The following ARL15 variants were observed in gnomAD, a reference collection of about 807,000 sequenced individuals.
ARL15 encodes the protein ADP-ribosylation factor-like protein 15.
A neutral mutation model predicts 25.2 loss-of-function variants in ARL15; 19 were observed. That is an observed-to-expected ratio of 0.75 (90% CI 0.53 to 1.10). The LOEUF is 1.10. Ranked by LOEUF, ARL15 falls within the 50% of genes least tolerant of loss-of-function variation. ARL15 has a pLI of 0.00. For missense variants in ARL15, 220 were observed against 246.0 expected (o/e 0.89, Z 0.71); for synonymous variants, 94 against 86.8 (o/e 1.08, Z -0.46).
At chr5:53,957,950 C>T (rs1465712849) in intron 4 of ARL15, among the ~76,000 whole-genome samples, 1 of 152,128 alleles carries the variant, frequency 6.6e-6, no homozygotes, top group Non-Finnish European at 1.5e-5. Flanking sequence ...TGGCTCACAC[C>T]TGTAATCCCA....
chr5:54,224,465 GATTA>G (rs1323496902), intron 1 of ARL15, among the ~76,000 whole-genome samples: 1 of 152,172 alleles, frequency 6.6e-6, no homozygotes, highest in African/African-American at 2.4e-5. Flanking sequence ...TCAGTTGACT[GATTA>G]ATTGATTTCA....
At chr5:54,249,266 C>A (rs895707595) in intron 1 of ARL15, among the ~76,000 whole-genome samples, 14 of 152,034 alleles carry the variant, frequency 9.2e-5, no homozygotes, top group African/African-American at 3.4e-4. Context: ...CAACTAATGA[C>A]CCAGTTGCAG....
At chr5:54,075,485 C>CTT (rs70986658) in intron 4 of ARL15, 50 of 150,308 alleles carry the variant, frequency 3.3e-4, no homozygotes, top group Middle Eastern at 1.2e-3. Flanking sequence ...ATATATATTC[C>CTT]TTTTTTTTTT....
chr5:54,239,431 C>G (rs1756896203), intron 1 of ARL15, among the ~76,000 whole-genome samples: 1 of 152,094 alleles, frequency 6.6e-6, no homozygotes, highest in South Asian at 2.1e-4. Context: ...TAAAGAATCA[C>G]CTCAAAGAAA....
chr5:53,897,916 A>C, intron 4 of ARL15, among the ~76,000 whole-genome samples: 1 of 152,194 alleles, frequency 6.6e-6, no homozygotes, highest in East Asian at 1.9e-4. Flanking sequence ...CTAATAGCCT[A>C]CTGTTCACTG....
chr5:54,040,109 T>C (rs1022705764), intron 4 of ARL15, among the ~76,000 whole-genome samples: 2 of 152,204 alleles, frequency 1.3e-5, no homozygotes, highest in African/African-American at 4.8e-5. Flanking sequence ...TCTGACCAAA[T>C]TCTAATTTTT....
intron 1 of ARL15, among the ~76,000 whole-genome samples, chr5:54,280,980 A>G (rs1039367848): frequency 6.6e-6 from 1 of 152,144 alleles, no homozygotes; most frequent in African/African-American, 2.4e-5. Context: ...GGTGGAAAAA[A>G]AAAAAAAACC....
At chr5:54,199,122 C>T in intron 1 of ARL15, among the ~76,000 whole-genome samples, 1 of 152,130 alleles carries the variant, frequency 6.6e-6, no homozygotes, top group African/African-American at 2.4e-5. Context: ...GGATCCCTTC[C>T]TTACATCTTA....
chr5:54,116,593 A>C (rs916402491), intron 3 of ARL15, among the ~76,000 whole-genome samples: 9 of 152,244 alleles, frequency 5.9e-5, no homozygotes, highest in African/African-American at 2.2e-4. Flanking sequence ...TAATGCCCAC[A>C]GAATGCTTTC....
intron 4 of ARL15, among the ~76,000 whole-genome samples, chr5:54,017,865 C>T (rs1047270796): frequency 4.6e-5 from 7 of 151,872 alleles, no homozygotes; most frequent in African/African-American, 9.7e-5. Context: ...TCAAGAAAAT[C>T]GGAATGGACT....
intron 4 of ARL15, among the ~76,000 whole-genome samples, chr5:53,916,271 G>A (rs1209795146): frequency 1.5e-5 from 2 of 136,206 alleles, no homozygotes; most frequent in African/African-American, 5.6e-5. Flanking sequence ...CTGTGTCCAG[G>A]TGAAGAGTCA....
intron 1 of ARL15, among the ~76,000 whole-genome samples, chr5:54,243,765 A>T (rs1374687292): frequency 1.3e-5 from 2 of 152,218 alleles, no homozygotes; most frequent in Non-Finnish European, 2.9e-5. Flanking sequence ...CTTGATATCA[A>T]AAACATGTGG....
intron 1 of ARL15, among the ~76,000 whole-genome samples, chr5:54,237,703 G>A (rs939802492): frequency 2.6e-5 from 4 of 152,088 alleles, no homozygotes; most frequent in African/African-American, 9.7e-5. Context: ...ACCACCTGAG[G>A]GCACTACTTC....
intron 1 of ARL15, among the ~76,000 whole-genome samples, chr5:54,290,490 T>C (rs1758295700): frequency 6.6e-6 from 1 of 152,006 alleles, no homozygotes; most frequent in African/African-American, 2.4e-5. Flanking sequence ...CTATTTTTAG[T>C]AGAGACGGGG....
intron 4 of ARL15, among the ~76,000 whole-genome samples, chr5:53,982,252 G>T (rs1403018262): frequency 6.6e-6 from 1 of 150,684 alleles, no homozygotes; most frequent in Non-Finnish European, 1.5e-5. Context: ...TTGTTACATA[G>T]GTATACATGT....
intron 3 of ARL15, among the ~76,000 whole-genome samples, chr5:54,143,322 G>A (rs1753820221): frequency 6.6e-6 from 1 of 151,892 alleles, no homozygotes; most frequent in Admixed American, 6.6e-5. Flanking sequence ...AGTTATCTTA[G>A]TATATCAATA....
chr5:54,083,051 A>G (rs757168813), intron 4 of ARL15, among the ~76,000 whole-genome samples: 5 of 152,214 alleles, frequency 3.3e-5, no homozygotes, highest in Non-Finnish European at 5.9e-5. Flanking sequence ...ATATGTAAGC[A>G]AATGTGGTAT....
intron 4 of ARL15, among the ~76,000 whole-genome samples, chr5:54,007,575 G>C (rs1054305311): frequency 1.3e-5 from 2 of 152,154 alleles, no homozygotes; most frequent in Non-Finnish European, 2.9e-5. Context: ...AGGAGGCCCA[G>C]GTGGGTGGAC....
chr5:53,966,922 A>G (rs1747584183), intron 4 of ARL15, among the ~76,000 whole-genome samples: 3 of 152,232 alleles, frequency 2.0e-5, no homozygotes, highest in Admixed American at 2.0e-4. Flanking sequence ...TAATAATGAA[A>G]TGTTGGAAAG....
Sources: allele counts gnomAD v4.1 joint callset (sites outside exome capture counted in the v4.1 genomes callset), GRCh38; gene constraint gnomAD v4.1.1; transcripts MANE v1.5; gene names NCBI Gene and HGNC (gene_info 2026-07-23, HGNC 2026-07-21).